The following USP28 variants were observed in gnomAD, a reference collection of about 807,000 sequenced individuals.
USP28 encodes the protein ubiquitin carboxyl-terminal hydrolase 28.
Under a neutral mutation model 145.0 loss-of-function variants are expected in USP28, and 113 were observed. That is an observed-to-expected ratio of 0.78 (90% CI 0.67 to 0.91). The LOEUF (loss-of-function observed/expected upper bound fraction) is 0.91. Among genes scored for constraint, USP28 ranks in the 40% least tolerant of loss-of-function variants. USP28 has a pLI of 0.00. For missense variants in USP28, 1,201 were observed against 1,289.6 expected (o/e 0.93, Z 1.05); for synonymous variants, 447 against 450.9 (o/e 0.99, Z 0.11).
intron 13 of USP28, 22 bp downstream of exon 13, chr11:113,817,635 TA>T (rs146489349): frequency 1.8e-3 from 2,360 of 1,334,254 alleles, no homozygotes; most frequent in South Asian, 5.8e-3. Context: ...TACATACCAT[TA>T]AAAAAAAAAT....
chr11:113,838,223 G>A (rs767617924), intron 5 of USP28, among the ~76,000 whole-genome samples: 1 of 152,124 alleles, frequency 6.6e-6, no homozygotes, highest in African/African-American at 2.4e-5. Context: ...GGGGGGCGGT[G>A]GTTGTGAATC....
chr11:113,850,425 G>T lies in USP28; in HGVS notation c.268+2076C>A, dbSNP rs571638587. Among the ~76,000 whole-genome samples the T allele has an allele frequency of 2.0e-5, 3 of 152,264 alleles. No individual in the cohort carries two copies. The East Asian group carries it at 5.8e-4, about 29-fold the overall frequency. On this transcript the variant is annotated intron_variant, in intron 3 of 24. Coordinates refer to ENST00000003302, the Ensembl canonical transcript of USP28. ...ATACTACACACCAGTGAAAATGAAT[G>T]AACTACAGTTATAATCCTCAGCATG...
chr11:113,850,296 AT>A (rs1435915560), intron 3 of USP28, among the ~76,000 whole-genome samples: 1 of 152,222 alleles, frequency 6.6e-6, no homozygotes, highest in Non-Finnish European at 1.5e-5. Context: ...GACAAGCAGC[AT>A]GAATCCGAAC....
At chr11:113,875,501 T>A in exon 1 of USP28, 1 of 1,176,758 alleles carries the variant, frequency 8.5e-7, no homozygotes, top group Non-Finnish European at 1.0e-6. Flanking sequence ...TCCGCAGTCA[T>A]GGCCGAGGCG....
At position 113,806,475 on chromosome 11, in the gene USP28, A is replaced by T. The variant is rs1939980929; in HGVS notation, c.2400+14T>A. On this transcript the variant is annotated intron_variant, in intron 19 of 24. Transcript: ENST00000003302. ...CCTATATTGTAAGAATTAGAATTTTAAAAACAGAGATACCTTAATCAGCCC... is the reference window on the plus strand; with the variant it reads ...CCTATATTGTAAGAATTAGAATTTTTAAAACAGAGATACCTTAATCAGCCC... 1.2e-6 allele frequency: 2 copies of T among 1,602,058 alleles called. No individual in the cohort carries two copies. Among genetic ancestry groups the T allele is most frequent in the Non-Finnish European group, 1.7e-6 (2 of 1,170,182 alleles).
exon 25 of USP28, chr11:113,799,310 T>G (rs1938495171): frequency 1.2e-6 from 2 of 1,614,188 alleles, no homozygotes; most frequent in East Asian, 2.2e-5. Context: ...ACATAGGTCA[T>G]AGGGAGAATT....
intron 1 of USP28, among the ~76,000 whole-genome samples, chr11:113,860,487 T>G (rs1442639795): frequency 1.3e-5 from 2 of 149,536 alleles, no homozygotes; most frequent in African/African-American, 2.5e-5. Flanking sequence ...CAAAACCAAC[T>G]GAAGAGTCAA....
chr11:113,861,949 T>G (rs945883555), intron 1 of USP28, among the ~76,000 whole-genome samples: 1 of 152,190 alleles, frequency 6.6e-6, no homozygotes, highest in Non-Finnish European at 1.5e-5. Flanking sequence ...CAGGGAAAGA[T>G]ATGAGAAATC....
At chr11:113,866,679 C>G (rs932855766) in intron 1 of USP28, among the ~76,000 whole-genome samples, 10 of 152,120 alleles carry the variant, frequency 6.6e-5, no homozygotes, top group African/African-American at 2.4e-4. Flanking sequence ...AAAACTAGAA[C>G]CCTTGTGTAT....
intron 1 of USP28, among the ~76,000 whole-genome samples, chr11:113,854,698 G>A (rs568826046): frequency 1.4e-4 from 21 of 152,260 alleles, no homozygotes; most frequent in Admixed American, 3.3e-4. Flanking sequence ...CAATGCAAAC[G>A]GCCCTGCATT....
At chr11:113,799,606 A>G (rs1053898535) in intron 24 of USP28, among the ~76,000 whole-genome samples, 191 bp from the exon 26 acceptor site, 31 of 152,244 alleles carry the variant, frequency 2.0e-4, no homozygotes, top group African/African-American at 6.3e-4. Flanking sequence ...GCTCACTGCT[A>G]TATAACAACT....
chr11:113,841,080 G>A (rs771076698), intron 4 of USP28, among the ~76,000 whole-genome samples: 3 of 152,152 alleles, frequency 2.0e-5, no homozygotes. Flanking sequence ...CCTCACCATC[G>A]AATAGGGCAG....
At chr11:113,803,589 A>G (rs1367603604) in intron 22 of USP28, among the ~76,000 whole-genome samples, 1 of 152,214 alleles carries the variant, frequency 6.6e-6, no homozygotes, top group Admixed American at 6.5e-5. Flanking sequence ...GCACAATATT[A>G]TCTCGCAGCT....
intron 3 of USP28, among the ~76,000 whole-genome samples, chr11:113,851,069 C>T (rs1010444756): frequency 6.6e-6 from 1 of 152,104 alleles, no homozygotes; most frequent in East Asian, 1.9e-4. Context: ...CTCACACAAC[C>T]CTACCTCCTC....
intron 14 of USP28, 24 bp from the exon 15 acceptor site, chr11:113,813,979 A>C: frequency 6.4e-7 from 1 of 1,557,348 alleles, no homozygotes; most frequent in South Asian, 1.1e-5. Flanking sequence ...GAAAAACAAA[A>C]GCTTCACTAA....
At chr11:113,852,425 A>C in intron 3 of USP28, 76 bp downstream of exon 3, 1 of 1,553,182 alleles carries the variant, frequency 6.4e-7, no homozygotes, top group East Asian at 2.3e-5. Context: ...TGTGATTGAC[A>C]GGGAACTCAC....
At chr11:113,859,173 G>A (rs555699342) in intron 1 of USP28, among the ~76,000 whole-genome samples, 1 of 152,120 alleles carries the variant, frequency 6.6e-6, no homozygotes, top group East Asian at 1.9e-4. Context: ...CACCATACCT[G>A]GCTTAACATA....
intron 1 of USP28, chr11:113,859,597 C>CTATA (rs976981009): frequency 6.6e-6 from 1 of 150,972 alleles, no homozygotes; most frequent in Admixed American, 6.6e-5. Flanking sequence ...AATCCTCGTA[C>CTATA]TATATATATA....
At chr11:113,868,772 T>C (rs115859628) in intron 1 of USP28, among the ~76,000 whole-genome samples, 1 of 151,044 alleles carries the variant, frequency 6.6e-6, no homozygotes, top group African/African-American at 2.4e-5. Flanking sequence ...AAACTAAAAA[T>C]ATTAGCTAGG....
Sources: allele counts gnomAD v4.1 joint callset (sites outside exome capture counted in the v4.1 genomes callset), GRCh38; gene constraint gnomAD v4.1.1; transcripts MANE v1.5; gene names NCBI Gene and HGNC (gene_info 2026-07-23, HGNC 2026-07-21).